The following ENTREP2 variants were observed in gnomAD, a reference collection of about 807,000 sequenced individuals.
The protein encoded by ENTREP2 is protein ENTREP2.
chr15:29,290,872 G>A, the ENTREP2 span, among the ~76,000 whole-genome samples: 1 of 152,218 alleles, frequency 6.6e-6, no homozygotes, highest in South Asian at 2.1e-4. Flanking sequence ...AGCTGAGGAG[G>A]CCGATGGAGA....
chr15:29,669,693 G>A, the ENTREP2 span, among the ~76,000 whole-genome samples: 1 of 152,190 alleles, frequency 6.6e-6, no homozygotes, highest in African/African-American at 2.4e-5. Context: ...CCCATTCATT[G>A]GATGCAGGGC....
chr15:29,363,672 C>T, the ENTREP2 span, among the ~76,000 whole-genome samples: 2 of 152,168 alleles, frequency 1.3e-5, no homozygotes, highest in African/African-American at 4.8e-5. Flanking sequence ...TTAAATACTG[C>T]AGTGGAGAAA....
the ENTREP2 span, among the ~76,000 whole-genome samples, chr15:29,168,904 G>T: frequency 6.6e-6 from 1 of 152,192 alleles, no homozygotes; most frequent in Non-Finnish European, 1.5e-5. Flanking sequence ...CCTGGCTTTT[G>T]TCATCTGAAA....
chr15:29,244,964 C>G, the ENTREP2 span, among the ~76,000 whole-genome samples: 1 of 152,148 alleles, frequency 6.6e-6, no homozygotes, highest in African/African-American at 2.4e-5. Flanking sequence ...AACAAAACAT[C>G]ATTATCCAAT....
chr15:29,450,888 G>A, the ENTREP2 span, among the ~76,000 whole-genome samples: 3 of 152,206 alleles, frequency 2.0e-5, no homozygotes, highest in Non-Finnish European at 4.4e-5. Flanking sequence ...ACTTAAAAGC[G>A]GGAGCTAAAC....
At chr15:29,669,100 G>T in the ENTREP2 span, among the ~76,000 whole-genome samples, 1 of 152,172 alleles carries the variant, frequency 6.6e-6, no homozygotes, top group East Asian at 1.9e-4. Context: ...CAGCTACTTG[G>T]GAGGCTGAGG....
At chr15:29,233,978 G>A in the ENTREP2 span, 1 of 1,503,768 alleles carries the variant, frequency 6.6e-7, no homozygotes, top group East Asian at 2.3e-5. Context: ...AGGACTTGAT[G>A]GGACCATAGG....
the ENTREP2 span, among the ~76,000 whole-genome samples, chr15:29,339,485 A>G: frequency 2.0e-5 from 3 of 152,220 alleles, no homozygotes; most frequent in Admixed American, 2.0e-4. Context: ...TGAACTGTGA[A>G]GTGAAGACAG....
At chr15:29,528,924 A>G in the ENTREP2 span, among the ~76,000 whole-genome samples, 2 of 152,000 alleles carry the variant, frequency 1.3e-5, no homozygotes, top group African/African-American at 4.8e-5. Flanking sequence ...TATGTTACTC[A>G]AGTGATATGT....
chr15:29,270,299 G>T, the ENTREP2 span, among the ~76,000 whole-genome samples: 3 of 152,210 alleles, frequency 2.0e-5, no homozygotes, highest in African/African-American at 4.8e-5. Flanking sequence ...AATGCCCCGT[G>T]GAGTCTGTTA....
At chr15:29,485,443 G>C in the ENTREP2 span, among the ~76,000 whole-genome samples, 1 of 152,136 alleles carries the variant, frequency 6.6e-6, no homozygotes, top group African/African-American at 2.4e-5. Flanking sequence ...TGATTCAAGG[G>C]GCTCCTCTCT....
At chr15:29,299,873 G>T in the ENTREP2 span, among the ~76,000 whole-genome samples, 1 of 151,632 alleles carries the variant, frequency 6.6e-6, no homozygotes, top group East Asian at 1.9e-4. Flanking sequence ...TGGATGAGTA[G>T]GTGGGGGATG....
At chr15:29,438,500 T>C in the ENTREP2 span, among the ~76,000 whole-genome samples, 1 of 152,044 alleles carries the variant, frequency 6.6e-6, no homozygotes. Flanking sequence ...TTGTCAGTGC[T>C]GAAATAGAGT....
chr15:29,422,446 G>T, the ENTREP2 span, among the ~76,000 whole-genome samples: 1 of 152,148 alleles, frequency 6.6e-6, no homozygotes, highest in Non-Finnish European at 1.5e-5. Context: ...AGAGCAGAAA[G>T]AAAGGTTAAA....
chr15:29,170,746 G>A, the ENTREP2 span, among the ~76,000 whole-genome samples: 1 of 152,196 alleles, frequency 6.6e-6, no homozygotes, highest in African/African-American at 2.4e-5. Flanking sequence ...GCCAGAACTC[G>A]ACCATGCTGG....
At chr15:29,318,611 C>T in the ENTREP2 span, among the ~76,000 whole-genome samples, 2 of 152,114 alleles carry the variant, frequency 1.3e-5, no homozygotes. Context: ...TGAGCCACCA[C>T]GCCCGGCCAA....
chr15:29,440,424 T>C, the ENTREP2 span, among the ~76,000 whole-genome samples: 1 of 152,150 alleles, frequency 6.6e-6, no homozygotes, highest in African/African-American at 2.4e-5. Context: ...ATAGTATGCA[T>C]TGATCATAAA....
the ENTREP2 span, among the ~76,000 whole-genome samples, chr15:29,654,332 T>TG: frequency 6.6e-6 from 1 of 152,290 alleles, no homozygotes; most frequent in East Asian, 1.9e-4. Context: ...ATTACCAAAT[T>TG]TTGTGCCAAT....
the ENTREP2 span, among the ~76,000 whole-genome samples, chr15:29,473,563 C>T: frequency 1.3e-5 from 2 of 152,156 alleles, no homozygotes; most frequent in African/African-American, 4.8e-5. Context: ...AGAAAACATA[C>T]CTGGGAGCGG....
Sources: gnomAD v4.1 joint callset for allele counts (sites outside exome capture counted in the v4.1 genomes callset) on GRCh38, gnomAD v4.1.1 for gene constraint, MANE v1.5 for transcripts, NCBI Gene and HGNC (gene_info 2026-07-23, HGNC 2026-07-21) for gene names.